Variants in WDFY3 observed in about 807,000 individuals in gnomAD.
WDFY3 encodes the protein WD repeat and FYVE domain-containing protein 3.
WDFY3 carries 66 observed loss-of-function variants against 409.6 expected under a neutral mutation model. That is an observed-to-expected ratio of 0.16 (90% CI 0.13 to 0.20). The LOEUF is 0.20. WDFY3 is among the 10% of genes least tolerant of loss of function. The pLI is 1.00. For synonymous variants in WDFY3, 1,521 were observed against 1,537.1 expected (o/e 0.99, Z 0.25); for missense variants, 3,031 against 4,298.1 (o/e 0.71, Z 8.24).
intron 2 of WDFY3, among the ~76,000 whole-genome samples, chr4:84,923,485 G>T (rs576076751): frequency 1.2e-3 from 175 of 152,170 alleles, no homozygotes; most frequent in Middle Eastern, 3.4e-3. Flanking sequence ...TTTCTTTATA[G>T]GGTTCCTATG....
At chr4:84,684,190 C>A in intron 62 of WDFY3, 65 bp from the exon 63 acceptor site, 1 of 1,422,592 alleles carries the variant, frequency 7.0e-7, no homozygotes, top group Non-Finnish European at 9.4e-7. Flanking sequence ...GTTTCTGAAG[C>A]AAATTGAATC....
At chr4:84,779,737 G>A (rs981293762) in intron 26 of WDFY3, among the ~76,000 whole-genome samples, 1 of 152,052 alleles carries the variant, frequency 6.6e-6, no homozygotes, top group African/African-American at 2.4e-5. Flanking sequence ...CATGGATTTG[G>A]CAATCCTTTC....
chr4:84,680,135 C>G (rs1290976872), intron 64 of WDFY3, among the ~76,000 whole-genome samples: 3 of 152,072 alleles, frequency 2.0e-5, no homozygotes, highest in Non-Finnish European at 2.9e-5. Flanking sequence ...ATGATCCACC[C>G]ACTTTGGCAT....
At chr4:84,735,671 T>C (rs1035023777) in intron 42 of WDFY3, among the ~76,000 whole-genome samples, 2 of 152,340 alleles carry the variant, frequency 1.3e-5, no homozygotes, top group Non-Finnish European at 1.5e-5. Context: ...CCTAACCTGA[T>C]GCATGAGATG....
At chr4:84,741,237 C>A (rs17009245) in intron 38 of WDFY3, among the ~76,000 whole-genome samples, 10,121 of 151,848 alleles carry the variant, frequency 0.067, 461 homozygotes, top group Admixed American at 0.12. Flanking sequence ...AGAATAATAC[C>A]TAGGCAACTT....
At chr4:84,770,888 A>T (rs1744569143) in intron 30 of WDFY3, among the ~76,000 whole-genome samples, 1 of 152,200 alleles carries the variant, frequency 6.6e-6, no homozygotes. Context: ...TTCAGTGCAT[A>T]TCAAATAAAT....
intron 32 of WDFY3, among the ~76,000 whole-genome samples, chr4:84,761,084 A>C (rs547685785): frequency 3.4e-4 from 51 of 152,222 alleles, no homozygotes; most frequent in Non-Finnish European, 5.7e-4. Context: ...ATTCAGGAGC[A>C]GGTTGTTCAG....
intron 32 of WDFY3, among the ~76,000 whole-genome samples, chr4:84,759,600 CTGTT>C (rs1224422140): frequency 7.3e-5 from 11 of 149,768 alleles, no homozygotes; most frequent in Admixed American, 2.7e-4. Flanking sequence ...ATTTGGCTCT[CTGTT>C]TGTCTGTTAT....
At chr4:84,874,412 C>CAA (rs562359865) in intron 3 of WDFY3, among the ~76,000 whole-genome samples, 75 of 142,428 alleles carry the variant, frequency 5.3e-4, no homozygotes, top group African/African-American at 1.9e-3. Context: ...GACTCTGTCT[C>CAA]AAAAAAAAAA....
chr4:84,696,268 G>A, intron 57 of WDFY3, 86 bp from the exon 58 acceptor site: 1 of 1,222,858 alleles, frequency 8.2e-7, no homozygotes, highest in Non-Finnish European at 1.2e-6. Context: ...TGGTTAATAG[G>A]AACTAAAATA....
chr4:84,755,124 T>C (rs1741214565), intron 34 of WDFY3, 142 bp downstream of exon 34: 3 of 1,218,386 alleles, frequency 2.5e-6, no homozygotes, highest in East Asian at 5.2e-5. Flanking sequence ...TTAGATATAA[T>C]TTTGTCTAAC....
intron 32 of WDFY3, among the ~76,000 whole-genome samples, chr4:84,764,350 A>T (rs1743238054): frequency 6.6e-6 from 1 of 152,192 alleles, no homozygotes; most frequent in South Asian, 2.1e-4. Flanking sequence ...TGTAGATTAA[A>T]TCCTTCCCCA....
chr4:84,692,848 AAATCATTAATCAAAAG>A, intron 59 of WDFY3, 21 bp downstream of exon 59: 1 of 1,559,996 alleles, frequency 6.4e-7, no homozygotes, highest in East Asian at 2.3e-5. Flanking sequence ...CAATCCCATT[AAATCATTAATCAAAAG>A]TTTATTTCTC....
At chr4:84,913,956 A>G (rs1768120172) in intron 2 of WDFY3, among the ~76,000 whole-genome samples, 4 of 152,154 alleles carry the variant, frequency 2.6e-5, no homozygotes, top group African/African-American at 9.6e-5. Context: ...GAGGATGAAG[A>G]CCTTTATGAT....
At chr4:84,775,467 A>G (rs1745392028) in intron 27 of WDFY3, among the ~76,000 whole-genome samples, 1 of 152,036 alleles carries the variant, frequency 6.6e-6, no homozygotes, top group African/African-American at 2.4e-5. Context: ...CAAATAAAAT[A>G]TTTAAAATGA....
chr4:84,934,371 T>A (rs1771148168), intron 1 of WDFY3, among the ~76,000 whole-genome samples: 1 of 152,128 alleles, frequency 6.6e-6, no homozygotes, highest in Non-Finnish European at 1.5e-5. Flanking sequence ...TAAATCAGAT[T>A]AAGGAAAAGT....
At chr4:84,900,648 A>C (rs1766228409) in intron 2 of WDFY3, among the ~76,000 whole-genome samples, 1 of 152,220 alleles carries the variant, frequency 6.6e-6, no homozygotes, top group African/African-American at 2.4e-5. Context: ...TATTTTGATG[A>C]AGACAGATTG....
At chr4:84,927,910 T>C (rs1018943714) in intron 2 of WDFY3, among the ~76,000 whole-genome samples, 3 of 152,242 alleles carry the variant, frequency 2.0e-5, no homozygotes, top group African/African-American at 7.2e-5. Flanking sequence ...GTAATTATTC[T>C]CAATGCTTCA....
chr4:84,934,146 A>T (rs1174116040), intron 1 of WDFY3, among the ~76,000 whole-genome samples: 1 of 152,122 alleles, frequency 6.6e-6, no homozygotes, highest in Non-Finnish European at 1.5e-5. Context: ...TCAACAGTGT[A>T]CGAGGGTTCC....
Sources: allele counts gnomAD v4.1 joint callset (sites outside exome capture counted in the v4.1 genomes callset), GRCh38; gene constraint gnomAD v4.1.1; transcripts MANE v1.5; gene names NCBI Gene and HGNC (gene_info 2026-07-23, HGNC 2026-07-21).